Variants in KCNH5 observed in about 807,000 individuals in gnomAD.
KCNH5 encodes the protein voltage-gated delayed rectifier potassium channel KCNH5.
In KCNH5, 46 loss-of-function variants were observed where a neutral mutation model predicts 96.1. The ratio of observed to expected loss-of-function variants is 0.48; its 90% CI spans 0.38 to 0.61. KCNH5 has a LOEUF of 0.61. KCNH5 is among the 20% of genes least tolerant of loss of function. KCNH5 has a pLI of 0.00. For synonymous variants in KCNH5, 439 were observed against 449.8 expected (o/e 0.98, Z 0.30); for missense variants, 907 against 1,225.8 (o/e 0.74, Z 3.88).
chr14:63,012,255 A>G lies in KCNH5; in HGVS notation c.197+4576T>C, dbSNP rs1336404131. Among the ~76,000 whole-genome samples the G allele has an allele frequency of 3.3e-5, 5 of 152,320 alleles. No homozygotes were observed. The East Asian group carries it at 9.7e-4, about 29-fold the overall frequency. ...CATGTCCTCCAATAAACAGCAAAACAGTGCAAAGGCGTGGAAAATGCAGTG... is the reference window on the plus strand; with the variant it reads ...CATGTCCTCCAATAAACAGCAAAACGGTGCAAAGGCGTGGAAAATGCAGTG... On this transcript the variant is annotated intron_variant, in intron 2 of 10. Coordinates refer to ENST00000322893, the MANE Select transcript of KCNH5 (RefSeq NM_139318.5).
chr14:62,882,476 C>A (rs2140077345), intron 7 of KCNH5, among the ~76,000 whole-genome samples: 1 of 152,222 alleles, frequency 6.6e-6, no homozygotes, highest in African/African-American at 2.4e-5. Flanking sequence ...ACTCAGTAAC[C>A]AGACTTATGC....
At chr14:62,829,228 C>T (rs1887290700) in intron 8 of KCNH5, among the ~76,000 whole-genome samples, 1 of 152,086 alleles carries the variant, frequency 6.6e-6, no homozygotes, top group African/African-American at 2.4e-5. Flanking sequence ...TCCAGGGGCA[C>T]AGTGCAAGCT....
intron 8 of KCNH5, among the ~76,000 whole-genome samples, chr14:62,826,397 TGC>T (rs201259134): frequency 8.1e-6 from 1 of 124,134 alleles, no homozygotes; most frequent in Non-Finnish European, 1.6e-5. Context: ...TGTGTGTGTG[TGC>T]GTGCGTGCAT....
chr14:62,764,005 C>T (rs992480401), intron 10 of KCNH5, among the ~76,000 whole-genome samples: 1 of 152,142 alleles, frequency 6.6e-6, no homozygotes, highest in Admixed American at 6.5e-5. Flanking sequence ...GGGGGAGGAA[C>T]TCCTCCCTAA....
intron 9 of KCNH5, among the ~76,000 whole-genome samples, chr14:62,798,798 C>T (rs189678642): frequency 1.1e-4 from 16 of 152,272 alleles, no homozygotes; most frequent in Admixed American, 4.6e-4. Context: ...TAAAGAATTA[C>T]GTGCCTATCG....
intron 10 of KCNH5, among the ~76,000 whole-genome samples, chr14:62,731,863 G>A (rs1020134357): frequency 6.6e-6 from 1 of 152,130 alleles, no homozygotes; most frequent in African/African-American, 2.4e-5. Context: ...ACAAAACTCT[G>A]ATGCTAAATT....
chr14:62,705,619 C>G lies in KCNH5; in HGVS notation c.*1889G>C, dbSNP rs1884415267. 1 of 151,964 alleles carries G rather than the reference C, an allele frequency of 6.6e-6. No homozygotes were observed. The highest frequency in any genetic ancestry group is 2.1e-4 in the South Asian group (1 of 4,826). The allele number at this position is 151,964 out of a possible 1,614,324, so 9.4% of individuals were successfully genotyped here. ...CGCATAAAGAAAGGAAAATGGAGCC[C>G]ATGGCTCATATGTTTTGAGACTCCT... On this transcript the variant is annotated 3_prime_UTR_variant, in exon 11 of 11. Coordinates refer to ENST00000322893, the MANE Select transcript of KCNH5 (RefSeq NM_139318.5).
chr14:62,700,586 T>C lies in KCNH5; in HGVS notation c.*6922A>G, dbSNP rs547156915. ...GAAATAGGCTAATCTTGATTTTAAATGAAAGTGCGTTTGGATTTTGTGTAA... is the reference window on the plus strand; with the variant it reads ...GAAATAGGCTAATCTTGATTTTAAACGAAAGTGCGTTTGGATTTTGTGTAA... On this transcript the variant is annotated 3_prime_UTR_variant, in exon 11 of 11. Transcript: ENST00000322893. 1.3e-5 allele frequency: 2 copies of C among 152,348 alleles called. No individual in the cohort carries two copies. The highest frequency in any genetic ancestry group is 1.5e-5 in the Non-Finnish European group (1 of 68,034). 9.4% of individuals were successfully genotyped at this position (152,348 alleles called of 1,614,324 possible).
Position 62,707,751 on chromosome 14 carries a change from G to T in KCNH5, c.2724C>A (p.Thr908=). The T allele has an allele frequency of 1.2e-6, 2 of 1,613,978 alleles. No individual in the cohort carries two copies. Among genetic ancestry groups the T allele is most frequent in the Admixed American group, 1.7e-5 (1 of 59,996 alleles). ...FYPIPEQALQ[T]TLQEVKHELK... ...GTTCGTGTTTGACTTCCTGCAGTGT[G>T]GTCTGTAAGGCCTGCTCGGGGATGG... Residue 908 remains threonine, a synonymous_variant, in exon 11 of 11, where the codon ACC becomes ACA. Transcript: ENST00000322893.
chr14:62,741,262 G>A (rs1253795570), intron 10 of KCNH5, among the ~76,000 whole-genome samples: 1 of 152,124 alleles, frequency 6.6e-6, no homozygotes, highest in African/African-American at 2.4e-5. Context: ...TTTCAGATAA[G>A]GGGATAATTG....
intron 6 of KCNH5, among the ~76,000 whole-genome samples, chr14:62,976,097 T>TAA (rs377478705): frequency 0.2 from 27,937 of 139,684 alleles, 2,922 homozygotes; most frequent in Non-Finnish European, 0.25. Context: ...ATAGGAGATT[T>TAA]AAAAAAAAAA....
At chr14:62,997,436 CA>C (rs1218113467) in intron 4 of KCNH5, among the ~76,000 whole-genome samples, 1 of 152,154 alleles carries the variant, frequency 6.6e-6, no homozygotes, top group Non-Finnish European at 1.5e-5. Flanking sequence ...TGGATTTCAG[CA>C]AGTGCTTTCT....
intron 4 of KCNH5, among the ~76,000 whole-genome samples, chr14:62,989,961 T>C (rs755902931): frequency 6.6e-6 from 1 of 152,030 alleles, no homozygotes; most frequent in Non-Finnish European, 1.5e-5. Flanking sequence ...CAATAGAATG[T>C]TATAATTGCC....
At chr14:62,761,513 A>C (rs148979350) in intron 10 of KCNH5, among the ~76,000 whole-genome samples, 1 of 152,306 alleles carries the variant, frequency 6.6e-6, no homozygotes, top group East Asian at 1.9e-4. Flanking sequence ...GATTCAATTC[A>C]AAAAGTGAAG....
intron 8 of KCNH5, among the ~76,000 whole-genome samples, chr14:62,814,915 C>G (rs1045333922): frequency 6.7e-6 from 1 of 148,494 alleles, no homozygotes; most frequent in Non-Finnish European, 1.5e-5. Context: ...AAGAATTTCA[C>G]TTGCAGATAT....
At position 63,013,162 on chromosome 14, in the gene KCNH5, T is replaced by A. The variant is rs1193580652; in HGVS notation, c.197+3669A>T. 2.0e-5 allele frequency among the ~76,000 whole-genome samples: 3 copies of A among 151,818 alleles called. No homozygotes were observed. In the South Asian group the frequency reaches 6.2e-4, roughly 32 times the overall value. ...AAGATAAGAAAACAGAAGAAAGAAA[T>A]ATTAGCCTCTTGATATTATAAAAAC... On this transcript the variant is annotated intron_variant, in intron 2 of 10. Coordinates refer to ENST00000322893, the MANE Select transcript of KCNH5 (RefSeq NM_139318.5).
At chr14:62,943,810 G>C (rs1364525196) in intron 7 of KCNH5, among the ~76,000 whole-genome samples, 1 of 152,146 alleles carries the variant, frequency 6.6e-6, no homozygotes, top group African/African-American at 2.4e-5. Context: ...AAAACCAAGA[G>C]AAGACAAATT....
At chr14:63,015,488 T>C (rs1369492093) in intron 2 of KCNH5, among the ~76,000 whole-genome samples, 2 of 152,088 alleles carry the variant, frequency 1.3e-5, no homozygotes. Flanking sequence ...TCTCTCTGTA[T>C]GTACGTATAT....
intron 6 of KCNH5, among the ~76,000 whole-genome samples, chr14:62,979,589 G>A (rs1035477835): frequency 4.6e-5 from 7 of 151,972 alleles, no homozygotes; most frequent in Non-Finnish European, 4.4e-5. Context: ...TTTTCCATCT[G>A]AGCAGTCTAC....
Sources: allele counts gnomAD v4.1 joint callset (sites outside exome capture counted in the v4.1 genomes callset), GRCh38; gene constraint gnomAD v4.1.1; transcripts MANE v1.5; gene names NCBI Gene and HGNC (gene_info 2026-07-23, HGNC 2026-07-21).